ADAMTS17: variants seen among roughly 807,000 people sequenced by gnomAD.
ADAMTS17 encodes A disintegrin and metalloproteinase with thrombospondin motifs 17.
In ADAMTS17, 113 loss-of-function variants were observed where a neutral mutation model predicts 141.5. The observed-to-expected ratio is 0.80, with a 90% confidence interval of 0.69 to 0.93. The LOEUF is 0.93. Among genes scored for constraint, ADAMTS17 ranks in the 40% least tolerant of loss-of-function variants. ADAMTS17 has a pLI of 0.00. For synonymous variants in ADAMTS17, 768 were observed against 630.6 expected (o/e 1.22, Z -3.27); for missense variants, 1,659 against 1,517.9 (o/e 1.09, Z -1.54).
chr15:100,090,254 A>AT (rs2035371431), intron 15 of ADAMTS17, among the ~76,000 whole-genome samples: 1 of 152,188 alleles, frequency 6.6e-6, no homozygotes, highest in Admixed American at 6.5e-5. Context: ...GGTCAAAGTG[A>AT]TTAGAATCTT....
chr15:100,081,386 C>G (rs1206833200), intron 15 of ADAMTS17, among the ~76,000 whole-genome samples: 2 of 152,174 alleles, frequency 1.3e-5, no homozygotes, highest in Non-Finnish European at 2.9e-5. Context: ...ACACACACTA[C>G]TTAATAAACT....
intron 3 of ADAMTS17, among the ~76,000 whole-genome samples, chr15:100,295,934 C>G (rs1018418559): frequency 2.0e-5 from 3 of 152,158 alleles, no homozygotes; most frequent in African/African-American, 7.2e-5. Context: ...TTCCACACTA[C>G]AGAATGCTGC....
chr15:100,210,798 C>T (rs1014670361), intron 7 of ADAMTS17, among the ~76,000 whole-genome samples: 67 of 151,016 alleles, frequency 4.4e-4, no homozygotes, highest in Admixed American at 2.4e-3. Flanking sequence ...GAAACCCCGT[C>T]TCTACTAAAA....
At chr15:100,116,599 G>C (rs1011979147) in intron 13 of ADAMTS17, among the ~76,000 whole-genome samples, 1 of 152,210 alleles carries the variant, frequency 6.6e-6, no homozygotes, top group African/African-American at 2.4e-5. Flanking sequence ...CGCTACAAAT[G>C]GGGTTGCAGG....
intron 18 of ADAMTS17, among the ~76,000 whole-genome samples, chr15:100,010,501 C>A (rs114916468): frequency 1.8e-3 from 275 of 152,310 alleles, no homozygotes; most frequent in African/African-American, 6.1e-3. Context: ...CTGTTCTCCA[C>A]GTGTGCTGCG....
intron 18 of ADAMTS17, among the ~76,000 whole-genome samples, chr15:100,016,953 G>C (rs1006322394): frequency 1.3e-5 from 2 of 152,214 alleles, no homozygotes; most frequent in Non-Finnish European, 2.9e-5. Context: ...TTTGTCTTCA[G>C]TTACCAGGGT....
chr15:100,048,408 G>A (rs751597468), intron 18 of ADAMTS17, among the ~76,000 whole-genome samples: 6 of 133,816 alleles, frequency 4.5e-5, no homozygotes, highest in African/African-American at 8.4e-5. Flanking sequence ...GATGGATCCC[G>A]AAGAATAAAC....
intron 3 of ADAMTS17, among the ~76,000 whole-genome samples, chr15:100,305,623 C>T (rs751042032): frequency 6.6e-6 from 1 of 152,208 alleles, no homozygotes; most frequent in Non-Finnish European, 1.5e-5. Flanking sequence ...ACACTTGCCC[C>T]AGAGACTGAG....
At chr15:100,102,449 C>CG (rs2036167411) in intron 14 of ADAMTS17, among the ~76,000 whole-genome samples, 1 of 60,786 alleles carries the variant, frequency 1.6e-5, no homozygotes. Flanking sequence ...GAGGGCCGAC[C>CG]AAAGGGGATC....
chr15:100,086,301 C>A (rs13379641), intron 15 of ADAMTS17, among the ~76,000 whole-genome samples: 48,079 of 149,432 alleles, frequency 0.32, 10,022 homozygotes, highest in East Asian at 0.58. Context: ...AGCTAACTAT[C>A]CTAAATATAT....
intron 6 of ADAMTS17, among the ~76,000 whole-genome samples, chr15:100,255,617 A>ACACACACACACACACACACACAC (rs2043299663): frequency 4.1e-4 from 57 of 140,292 alleles, no homozygotes; most frequent in Non-Finnish European, 3.1e-5. Context: ...TGTTTTGAGC[A>ACACACACACACACACACACACAC]ACACACACAC....
intron 15 of ADAMTS17, among the ~76,000 whole-genome samples, chr15:100,092,337 A>G (rs972307197): frequency 2.0e-5 from 3 of 152,204 alleles, no homozygotes; most frequent in Non-Finnish European, 4.4e-5. Flanking sequence ...ACTCCCATTG[A>G]TTCTATTCAG....
chr15:100,186,829 G>A (rs914319534), intron 8 of ADAMTS17, among the ~76,000 whole-genome samples: 12 of 152,202 alleles, frequency 7.9e-5, no homozygotes, highest in Non-Finnish European at 1.5e-4. Context: ...ATTTCTGAGA[G>A]CTCACAAATT....
chr15:100,112,589 A>G (rs1295525518), intron 13 of ADAMTS17, among the ~76,000 whole-genome samples: 2 of 152,130 alleles, frequency 1.3e-5, no homozygotes, highest in Non-Finnish European at 2.9e-5. Context: ...AGGTGGTGGG[A>G]TTCAGCTTTG....
At chr15:100,106,907 A>C (rs1171624173) in intron 14 of ADAMTS17, among the ~76,000 whole-genome samples, 1 of 152,204 alleles carries the variant, frequency 6.6e-6, no homozygotes, top group Non-Finnish European at 1.5e-5. Context: ...TTGTTACAAG[A>C]AAGCAGCCAG....
intron 6 of ADAMTS17, among the ~76,000 whole-genome samples, chr15:100,257,911 C>T (rs1739601486): frequency 6.6e-6 from 1 of 152,218 alleles, no homozygotes; most frequent in Admixed American, 6.5e-5. Flanking sequence ...TAACAACTCC[C>T]CATTCTCCCT....
rs752004246 is a variant in ADAMTS17 at position 100,152,586 on chromosome 15, G to A, written c.1473+26C>T. 27 of 1,610,546 alleles carry A rather than the reference G, an allele frequency of 1.7e-5. 1 individual carries two copies. Among genetic ancestry groups the A allele is most frequent in the South Asian group, 4.4e-5 (4 of 90,942 alleles). ...GAGGGCTGGATCCATGCTCTGTCCC[G>A]AGCCAGCCCTCCCACGGCTGCTTAC... On this transcript the variant is annotated intron_variant, in intron 10 of 21. Transcript: ENST00000268070.
At chr15:100,331,704 G>C (rs1266198550) in intron 2 of ADAMTS17, among the ~76,000 whole-genome samples, 1 of 152,134 alleles carries the variant, frequency 6.6e-6, no homozygotes, top group Non-Finnish European at 1.5e-5. Context: ...AGATTCAGGA[G>C]ATCTGGCGGA....
intron 2 of ADAMTS17, among the ~76,000 whole-genome samples, chr15:100,334,756 G>A (rs1262300193): frequency 2.0e-5 from 3 of 152,322 alleles, no homozygotes; most frequent in East Asian, 1.9e-4. Flanking sequence ...GAGCACAGAC[G>A]CTTGGTCTTC....
Sources: gnomAD v4.1 joint callset for allele counts (sites outside exome capture counted in the v4.1 genomes callset) on GRCh38, gnomAD v4.1.1 for gene constraint, MANE v1.5 for transcripts, NCBI Gene and HGNC (gene_info 2026-07-23, HGNC 2026-07-21) for gene names.